NOP14: variants seen among roughly 807,000 people sequenced by gnomAD.
NOP14 encodes nucleolar protein 14.
A neutral mutation model predicts 101.6 loss-of-function variants in NOP14; 57 were observed. That is an observed-to-expected ratio of 0.56 (90% CI 0.45 to 0.70). The LOEUF (loss-of-function observed/expected upper bound fraction) is 0.70, where lower values mean the gene tolerates loss of function less well. Ranked by LOEUF, NOP14 falls within the 30% of genes least tolerant of loss-of-function variation. The pLI is 0.00. For missense variants in NOP14, 1,134 were observed against 1,075.5 expected (o/e 1.05, Z -0.76); for synonymous variants, 428 against 424.0 (o/e 1.01, Z -0.12).
rs1195995795 is a variant in NOP14 at position 2,938,211 on chromosome 4, CATT to C, written c.*617_*619del. 2 of 1,288,920 alleles carry C rather than the reference CATT, an allele frequency of 1.6e-6. No homozygotes were observed. Among genetic ancestry groups the C allele is most frequent in the African/African-American group, 1.5e-5 (1 of 65,834 alleles). The allele number at this position is 1,288,920 out of a possible 1,614,324, so 79.8% of individuals were successfully genotyped here. A position where few individuals can be genotyped will look rare whatever the true frequency, so the allele number is the denominator to read the frequency against. On this transcript the variant is annotated 3_prime_UTR_variant, in exon 18 of 18. Coordinates refer to ENST00000416614, the MANE Select transcript of NOP14 (RefSeq NM_001291978.2). ...GAGCTGGAGGTTGGAATCACACCAACATTATAGCATTATTACTCTAAAAAAAAT... is the reference window on the plus strand; with the variant it reads ...GAGCTGGAGGTTGGAATCACACCAACATAGCATTATTACTCTAAAAAAAAT...
intron 4 of NOP14, 29 bp downstream of exon 4, chr4:2,954,392 GAGA>G (rs749822878): frequency 1.2e-6 from 2 of 1,609,450 alleles, no homozygotes; most frequent in South Asian, 1.1e-5. Context: ...TCTTACCGTG[GAGA>G]AGATGATCAA....
At chr4:2,956,154 A>T (rs1715332664) in intron 3 of NOP14, among the ~76,000 whole-genome samples, 1 of 152,250 alleles carries the variant, frequency 6.6e-6, no homozygotes, top group African/African-American at 2.4e-5. Context: ...TCATGTTGTT[A>T]TCTACAGATA....
intron 15 of NOP14, among the ~76,000 whole-genome samples, chr4:2,939,910 C>G (rs1714021070): frequency 6.6e-6 from 1 of 152,210 alleles, no homozygotes; most frequent in African/African-American, 2.4e-5. Context: ...AGAGCACTCT[C>G]TGAAAGGAGG....
chr4:2,945,874 G>A (rs1714582195), intron 11 of NOP14, among the ~76,000 whole-genome samples: 1 of 152,202 alleles, frequency 6.6e-6, no homozygotes, highest in African/African-American at 2.4e-5. Flanking sequence ...TCCATGGCTA[G>A]TGGAGGAGTG....
At chr4:2,957,169 T>G (rs1715406899) in intron 2 of NOP14, among the ~76,000 whole-genome samples, 1 of 152,076 alleles carries the variant, frequency 6.6e-6, no homozygotes, top group African/African-American at 2.4e-5. Flanking sequence ...GCCTGGCTAA[T>G]TTTTGTATTT....
At chr4:2,943,433 C>G (rs900811752) in intron 13 of NOP14, among the ~76,000 whole-genome samples, 4 of 152,354 alleles carry the variant, frequency 2.6e-5, no homozygotes, top group South Asian at 2.1e-4. Context: ...TCCTCACCCC[C>G]CAGAGGGAAG....
At chr4:2,951,335 G>A in intron 6 of NOP14, 90 bp from the exon 7 acceptor site, 1 of 1,206,534 alleles carries the variant, frequency 8.3e-7, no homozygotes, top group East Asian at 2.4e-5. Flanking sequence ...AGCGGGCTGG[G>A]CCTACGGTCC....
chr4:2,949,377 A>C (rs1714862599), intron 8 of NOP14, among the ~76,000 whole-genome samples: 1 of 151,976 alleles, frequency 6.6e-6, no homozygotes, highest in South Asian at 2.1e-4. Context: ...CTTATTTTTT[A>C]TATTTTTGGT....
In NOP14 at chr4:2,963,122, T is replaced by C. The variant is rs1296440133; in HGVS notation, c.195+3A>G. 2 of 1,545,182 alleles carry C rather than the reference T, an allele frequency of 1.3e-6. No individual in the cohort carries two copies. The highest frequency in any genetic ancestry group is 2.6e-5 in the East Asian group (1 of 38,386). ...TCCGGCTCCCCGTGCGCCCCCCGCT[T>C]ACCTTCCTGAGGGCCCGTGCGCGAG... is the stretch of plus-strand genomic sequence containing the variant. On this transcript the variant is annotated splice_donor_region_variant and intron_variant, in intron 1 of 17. Transcript: ENST00000416614.
chr4:2,949,848 C>A (rs1158668012), intron 8 of NOP14, 86 bp downstream of exon 8: 28 of 1,505,932 alleles, frequency 1.9e-5, no homozygotes, highest in Non-Finnish European at 2.5e-5. Context: ...ACAAATGCAA[C>A]CCCTGGGAGG....
At position 2,956,810 on chromosome 4, in the gene NOP14, C is replaced by T. The variant is rs536498261; in HGVS notation, c.332G>A (p.Arg111Gln). 14 of 1,587,008 alleles carry T rather than the reference C, an allele frequency of 8.8e-6. No individual in the cohort carries two copies. Among genetic ancestry groups the T allele is most frequent in the Admixed American group, 5.7e-5 (3 of 52,582 alleles). ...GTAGATGCTTTTTTTCTCATGATGT[C>T]GCTGACAGAAGAGAAAAAAAGTTTC... ...MMKRFALEQQ[R>Q]HHEKKSIYNL... The change falls in exon 3 of 18, where the codon CGA (arginine) becomes CAA (glutamine). Residue 111 changes from arginine to glutamine, a missense_variant and splice_region_variant. Arg to Gln is a conservative substitution (Grantham distance 43). Coordinates refer to ENST00000416614, the MANE Select transcript of NOP14 (RefSeq NM_001291978.2).
At position 2,938,341 on chromosome 4, in the gene NOP14, A is replaced by T. The variant is rs937460880; in HGVS notation, c.*490T>A. 1.4e-5 allele frequency: 8 copies of T among 560,402 alleles called. No individual in the cohort carries two copies. Among genetic ancestry groups the T allele is most frequent in the African/African-American group, 1.2e-4 (6 of 51,016 alleles). 34.7% of individuals were successfully genotyped at this position (560,402 alleles called of 1,614,324 possible). On this transcript the variant is annotated 3_prime_UTR_variant, in exon 18 of 18. Transcript: ENST00000416614. ...TTCGAGACCAGCCTGACCAACATGG[A>T]GAAACCCCGTCTCTACTAAAAATAC... is the stretch of plus-strand genomic sequence containing the variant.
rs568608923 is a variant in NOP14 at position 2,947,404 on chromosome 4, G to A, written c.1499+122C>T. On this transcript the variant is annotated intron_variant, in intron 10 of 17. Transcript: ENST00000416614. ...CCCTGGGTGACCACCTGCCCACTTGGCATGCTGACACCATCATTCCACCTA... is the reference window on the plus strand; with the variant it reads ...CCCTGGGTGACCACCTGCCCACTTGACATGCTGACACCATCATTCCACCTA... The A allele has an allele frequency of 5.2e-5, 38 of 730,988 alleles. No homozygotes were observed. The East Asian group carries it at 9.9e-4, about 19-fold the overall frequency. The allele number at this position is 730,988 out of a possible 1,614,324, so 45.3% of individuals were successfully genotyped here.
intron 2 of NOP14, among the ~76,000 whole-genome samples, chr4:2,957,258 C>T (rs1715412066): frequency 1.3e-5 from 2 of 152,158 alleles, no homozygotes; most frequent in Admixed American, 1.3e-4. Flanking sequence ...CCTCAGCCTC[C>T]CAAAGTGCTG....
At position 2,941,588 on chromosome 4, in the gene NOP14, C is replaced by T; in HGVS notation, c.2193G>A (p.Glu731=). Reference sequence around the variant, plus strand: ...AGTGGCCGGGAAGCCTCACCTGGAGCTCCTGCGGGTGGCTGCAGTCCGCCA... The same window carrying T: ...AGTGGCCGGGAAGCCTCACCTGGAGTTCCTGCGGGTGGCTGCAGTCCGCCA... ...DHLADCSHPQ[E]LQELCQSTLT... The change falls in exon 15 of 18, where the codon GAG becomes GAA. Residue 731 remains glutamate, a synonymous_variant. Transcript: ENST00000416614. 1 of 1,612,002 alleles carries T rather than the reference C, an allele frequency of 6.2e-7. No individual in the cohort carries two copies. Among genetic ancestry groups the T allele is most frequent in the Non-Finnish European group, 8.5e-7 (1 of 1,179,700 alleles).
At chr4:2,961,157 ATATTAATATGCTATTACAATAAT>A (rs1715832695) in intron 1 of NOP14, among the ~76,000 whole-genome samples, 1 of 7,094 alleles carries the variant, frequency 1.4e-4, no homozygotes, top group Non-Finnish European at 2.5e-4. Flanking sequence ...ATATAATAAT[ATATTAATATGCTATTACAATAAT>A]ATATTAATAT....
chr4:2,954,536 C>T lies in NOP14; in HGVS notation c.500G>A (p.Gly167Glu), dbSNP rs758330530. 6.2e-7 allele frequency: 1 copy of T among 1,614,148 alleles called. No homozygotes were observed. Among genetic ancestry groups the T allele is most frequent in the East Asian group, 2.2e-5 (1 of 44,888 alleles). Residue 167 changes from glycine (G) to glutamate (E), a missense_variant, in exon 4 of 18, where the codon GGA (glycine) becomes GAA (glutamate). Coordinates refer to ENST00000416614, the MANE Select transcript of NOP14 (RefSeq NM_001291978.2). ...SAELTAAHFG[G>E]GGGLLHKKTQ... ...CTTCTTGTGAAGGAGCCCACCGCCT[C>T]CTCCAAAGTGGGCAGCAGTCAGCTC...
At chr4:2,947,260 A>C in intron 10 of NOP14, 1 of 512,716 alleles carries the variant, frequency 2.0e-6, no homozygotes, top group Non-Finnish European at 3.4e-6. Flanking sequence ...CCCAGCCACA[A>C]ATCTAAAGGG....
intron 12 of NOP14, 58 bp downstream of exon 12, chr4:2,945,069 TG>T (rs35972108): frequency 1.1e-5 from 14 of 1,241,212 alleles, no homozygotes; most frequent in Non-Finnish European, 1.5e-5. Flanking sequence ...CGAGGGGCTG[TG>T]GCTCCGGCCA....
Sources: gnomAD v4.1 joint callset for allele counts (sites outside exome capture counted in the v4.1 genomes callset) on GRCh38, gnomAD v4.1.1 for gene constraint, MANE v1.5 for transcripts, NCBI Gene and HGNC (gene_info 2026-07-23, HGNC 2026-07-21) for gene names.